The following DENND6A variants were observed in gnomAD, a reference collection of about 807,000 sequenced individuals.
DENND6A encodes the protein protein DENND6A.
A neutral mutation model predicts 95.5 loss-of-function variants in DENND6A; 43 were observed. The ratio of observed to expected loss-of-function variants is 0.45; its 90% CI spans 0.35 to 0.58. DENND6A has a LOEUF of 0.58. Ranked by LOEUF, DENND6A falls within the 20% of genes least tolerant of loss-of-function variation. The pLI is 0.00. For synonymous variants in DENND6A, 257 were observed against 260.4 expected (o/e 0.99, Z 0.13); for missense variants, 574 against 736.0 (o/e 0.78, Z 2.55).
chr3:57,669,118 C>G (rs938022584), intron 3 of DENND6A, among the ~76,000 whole-genome samples: 10 of 152,078 alleles, frequency 6.6e-5, no homozygotes, highest in Non-Finnish European at 1.5e-4. Flanking sequence ...GTTATCTGTC[C>G]GCCTCAGCCT....
chr3:57,633,181 G>C, intron 15 of DENND6A, 84 bp downstream of exon 15: 1 of 1,158,726 alleles, frequency 8.6e-7, no homozygotes, highest in Non-Finnish European at 1.3e-6. Flanking sequence ...CACAACTTAA[G>C]ATATGGTTTT....
At chr3:57,644,185 G>C (rs1386909277) in intron 11 of DENND6A, among the ~76,000 whole-genome samples, 1 of 150,302 alleles carries the variant, frequency 6.7e-6, no homozygotes, top group Non-Finnish European at 1.5e-5. Context: ...TCTGAAATCA[G>C]AACTCAGAAC....
chr3:57,686,628 A>G (rs1485572640), intron 1 of DENND6A, among the ~76,000 whole-genome samples: 2 of 152,146 alleles, frequency 1.3e-5, no homozygotes, highest in African/African-American at 4.8e-5. Context: ...TTACTATTGT[A>G]TCTGTTACAG....
chr3:57,664,398 T>A (rs1431208109), intron 4 of DENND6A, among the ~76,000 whole-genome samples: 1 of 152,260 alleles, frequency 6.6e-6, no homozygotes, highest in Admixed American at 6.5e-5. Context: ...AAACTTTGGC[T>A]CAGTTCCTTA....
At chr3:57,654,685 C>T in intron 9 of DENND6A, 2 of 985,126 alleles carry the variant, frequency 2.0e-6, no homozygotes, top group Middle Eastern at 5.2e-4. Context: ...TTTCTGTGAT[C>T]AAGAAAGCTG....
At chr3:57,654,665 G>T in intron 9 of DENND6A, 1 of 985,130 alleles carries the variant, frequency 1.0e-6, no homozygotes, top group South Asian at 4.7e-5. Context: ...AAAACAGAAT[G>T]AGGAAACTAT....
intron 12 of DENND6A, 139 bp downstream of exon 12, chr3:57,641,501 TATTTTAGTGGGAA>T (rs151218313): frequency 0.031 from 14,489 of 469,608 alleles, 240 homozygotes; most frequent in Non-Finnish European, 0.039. Context: ...AGAGCCTGCA[TATTTTAGTGGGAA>T]ATTAGCAGGA....
intron 1 of DENND6A, among the ~76,000 whole-genome samples, chr3:57,678,566 A>C (rs978556344): frequency 1.3e-5 from 2 of 152,240 alleles, no homozygotes; most frequent in African/African-American, 4.8e-5. Flanking sequence ...ACCTCCAATC[A>C]TATTTAGAGA....
intron 1 of DENND6A, among the ~76,000 whole-genome samples, chr3:57,686,835 C>T (rs552492068): frequency 6.6e-6 from 1 of 152,234 alleles, no homozygotes; most frequent in Admixed American, 6.5e-5. Context: ...GCAACTGGGG[C>T]AATGAATAAC....
chr3:57,670,737 A>G (rs755958407), intron 3 of DENND6A, among the ~76,000 whole-genome samples: 24 of 152,146 alleles, frequency 1.6e-4, no homozygotes, highest in Non-Finnish European at 1.5e-4. Flanking sequence ...TCATGCTCAT[A>G]TAGAGAAGTG....
At chr3:57,692,706 C>T (rs1184574037) in intron 1 of DENND6A, 76 bp downstream of exon 1, 12 of 1,324,508 alleles carry the variant, frequency 9.1e-6, no homozygotes, top group Non-Finnish European at 1.2e-5. Flanking sequence ...GCCGGTCAGC[C>T]CGCGGGCCGC....
At chr3:57,687,272 A>G (rs2077219398) in intron 1 of DENND6A, among the ~76,000 whole-genome samples, 1 of 152,232 alleles carries the variant, frequency 6.6e-6, no homozygotes, top group Non-Finnish European at 1.5e-5. Context: ...GTCTGGATAG[A>G]AGAGCAAACC....
intron 7 of DENND6A, 101 bp from the exon 8 acceptor site, chr3:57,659,281 G>T: frequency 7.9e-7 from 1 of 1,258,576 alleles, no homozygotes; most frequent in Non-Finnish European, 1.1e-6. Flanking sequence ...TGCCAAAAAA[G>T]CTACAAAAAC....
At chr3:57,637,889 A>C (rs2070833444) in intron 12 of DENND6A, among the ~76,000 whole-genome samples, 1 of 152,064 alleles carries the variant, frequency 6.6e-6, no homozygotes, top group African/African-American at 2.4e-5. Context: ...TAACCCCAGC[A>C]CTTTGGGAGG....
At chr3:57,656,082 TAA>T (rs1357881653) in intron 9 of DENND6A, among the ~76,000 whole-genome samples, 2 of 152,202 alleles carry the variant, frequency 1.3e-5, no homozygotes, top group Admixed American at 1.3e-4. Context: ...TAATTTGTTT[TAA>T]AAGTCACATT....
At chr3:57,680,223 C>T (rs1319930094) in intron 1 of DENND6A, among the ~76,000 whole-genome samples, 1 of 152,180 alleles carries the variant, frequency 6.6e-6, no homozygotes, top group Non-Finnish European at 1.5e-5. Flanking sequence ...TCTTCACAAC[C>T]TTGAATTAGG....
At chr3:57,642,458 A>G (rs1266449854) in intron 11 of DENND6A, among the ~76,000 whole-genome samples, 1 of 152,016 alleles carries the variant, frequency 6.6e-6, no homozygotes, top group Non-Finnish European at 1.5e-5. Context: ...TGGATGAGAG[A>G]GGGAAGAGTG....
intron 9 of DENND6A, among the ~76,000 whole-genome samples, chr3:57,651,194 G>T (rs934968041): frequency 6.6e-6 from 1 of 152,178 alleles, no homozygotes; most frequent in East Asian, 1.9e-4. Flanking sequence ...AAAGCAGTAC[G>T]CATTCAGTAT....
At chr3:57,660,948 C>T (rs1244963304) in intron 6 of DENND6A, 109 bp from the exon 7 acceptor site, 1 of 937,732 alleles carries the variant, frequency 1.1e-6, no homozygotes, top group Non-Finnish European at 1.5e-6. Flanking sequence ...AAAAAATATA[C>T]CTGGAAGAAT....
Sources: gnomAD v4.1 joint callset for allele counts (sites outside exome capture counted in the v4.1 genomes callset) on GRCh38, gnomAD v4.1.1 for gene constraint, MANE v1.5 for transcripts, NCBI Gene and HGNC (gene_info 2026-07-23, HGNC 2026-07-21) for gene names.